DGKB: variants seen among roughly 807,000 people sequenced by gnomAD.
DGKB encodes diacylglycerol kinase beta, also known as 90 kDa diacylglycerol kinase.
In DGKB, 67 loss-of-function variants were observed where a neutral mutation model predicts 114.3. The ratio of observed to expected loss-of-function variants is 0.59; its 90% CI spans 0.48 to 0.72. The LOEUF is 0.72. Among genes scored for constraint, DGKB ranks in the 30% least tolerant of loss-of-function variants. The pLI, the probability that DGKB is intolerant of heterozygous loss-of-function variation, is 0.00. For missense variants in DGKB, 907 were observed against 975.2 expected (o/e 0.93, Z 0.93); for synonymous variants, 398 against 323.1 (o/e 1.23, Z -2.49).
intron 15 of DGKB, among the ~76,000 whole-genome samples, chr7:14,614,887 T>C (rs1806234366): frequency 1.3e-5 from 2 of 152,090 alleles, no homozygotes; most frequent in Admixed American, 6.6e-5. Flanking sequence ...ACTTATGCAC[T>C]AACTTCCCAG....
intron 1 of DGKB, among the ~76,000 whole-genome samples, chr7:14,908,667 A>G (rs187859648): frequency 2.4e-4 from 36 of 152,218 alleles, no homozygotes; most frequent in African/African-American, 8.2e-4. Flanking sequence ...CATATCTTAT[A>G]TGTGACTTAA....
chr7:14,636,713 A>T (rs1201377959), intron 13 of DGKB, among the ~76,000 whole-genome samples: 1 of 151,892 alleles, frequency 6.6e-6, no homozygotes, highest in Non-Finnish European at 1.5e-5. Flanking sequence ...AATCATTTTA[A>T]CTCAAACTAC....
chr7:14,234,987 A>AAATT (rs1167252251), intron 23 of DGKB, among the ~76,000 whole-genome samples: 3 of 152,080 alleles, frequency 2.0e-5, no homozygotes, highest in Non-Finnish European at 4.4e-5. Flanking sequence ...TTTTGCATAA[A>AAATT]AATTCTTTTG....
intron 2 of DGKB, among the ~76,000 whole-genome samples, chr7:14,824,578 G>C (rs1422086171): frequency 6.6e-6 from 1 of 151,948 alleles, no homozygotes; most frequent in Non-Finnish European, 1.5e-5. Context: ...AAATAATCAA[G>C]ATCCTGAAAA....
At chr7:14,497,645 G>C (rs561440563) in intron 20 of DGKB, among the ~76,000 whole-genome samples, 2 of 152,010 alleles carry the variant, frequency 1.3e-5, no homozygotes, top group African/African-American at 4.8e-5. Context: ...TAGCAGACAA[G>C]AATTCGAACT....
At chr7:14,773,162 C>T (rs533494481) in intron 2 of DGKB, among the ~76,000 whole-genome samples, 22 of 152,138 alleles carry the variant, frequency 1.4e-4, no homozygotes, top group African/African-American at 5.1e-4. Context: ...TACTAATAAG[C>T]ACATAAAGTG....
intron 25 of DGKB, chr7:14,176,594 C>T (rs2128243671): frequency 2.5e-6 from 3 of 1,189,810 alleles, no homozygotes; most frequent in South Asian, 7.1e-5. Context: ...TATAATTGAT[C>T]TATTTAAAAG....
intron 20 of DGKB, among the ~76,000 whole-genome samples, chr7:14,529,187 T>C (rs1212205465): frequency 6.6e-6 from 1 of 152,064 alleles, no homozygotes; most frequent in East Asian, 1.9e-4. Context: ...GAAAAGGAGA[T>C]AATAAAGAAG....
intron 25 of DGKB, among the ~76,000 whole-genome samples, chr7:14,150,010 A>T (rs1781952745): frequency 6.6e-6 from 1 of 152,142 alleles, no homozygotes; most frequent in Non-Finnish European, 1.5e-5. Flanking sequence ...AAGACATTTT[A>T]TGAATATATG....
chr7:14,586,842 G>A lies in DGKB; in HGVS notation c.1434-3705C>T, dbSNP rs563738902. ...TACTGAGTATTTTAAGTCCACGACTGAGACATATTTCTCAAAAAAAAAAAA... is the reference window on the plus strand; with the variant it reads ...TACTGAGTATTTTAAGTCCACGACTAAGACATATTTCTCAAAAAAAAAAAA... On this transcript the variant is annotated intron_variant, in intron 17 of 25. Transcript: ENST00000402815. Among the ~76,000 whole-genome samples the A allele has an allele frequency of 2.8e-5, 4 of 141,488 alleles. No individual in the cohort carries two copies. In the East Asian group the frequency reaches 6.0e-4, roughly 21 times the overall value. 92.8% of individuals were successfully genotyped at this position (141,488 alleles called of 152,430 possible).
chr7:14,960,848 TAACA>T (rs1251503072), intron 1 of DGKB, among the ~76,000 whole-genome samples: 2 of 152,126 alleles, frequency 1.3e-5, no homozygotes, highest in Non-Finnish European at 2.9e-5. Context: ...TAATTTATAC[TAACA>T]AATATTTCTC....
chr7:14,867,848 C>A (rs1481071384), intron 1 of DGKB, among the ~76,000 whole-genome samples: 1 of 152,074 alleles, frequency 6.6e-6, no homozygotes, highest in Non-Finnish European at 1.5e-5. Flanking sequence ...CTAATTTTAA[C>A]TGAGGTATCT....
At chr7:14,367,863 T>C (rs1328752458) in intron 21 of DGKB, among the ~76,000 whole-genome samples, 2 of 151,894 alleles carry the variant, frequency 1.3e-5, no homozygotes, top group Non-Finnish European at 2.9e-5. Context: ...GAGGACTCAC[T>C]ATCACCAGAA....
chr7:14,189,589 T>A (rs1406593066), intron 23 of DGKB, among the ~76,000 whole-genome samples: 1 of 152,046 alleles, frequency 6.6e-6, no homozygotes, highest in Non-Finnish European at 1.5e-5. Flanking sequence ...ATGGATTAAA[T>A]TTTCCCATTA....
chr7:14,729,280 A>T (rs4628171), intron 5 of DGKB, among the ~76,000 whole-genome samples: 3 of 148,554 alleles, frequency 2.0e-5, no homozygotes, highest in East Asian at 4.0e-4. Context: ...CTGCCACCAC[A>T]TCCGGCTAAT....
At chr7:14,176,549 TG>T in intron 25 of DGKB, 1 of 1,076,242 alleles carries the variant, frequency 9.3e-7, no homozygotes, top group South Asian at 4.6e-5. Flanking sequence ...ATTAATATTT[TG>T]TTTAGCTCCA....
At chr7:14,850,035 G>T (rs929292903) in intron 1 of DGKB, among the ~76,000 whole-genome samples, 1 of 152,146 alleles carries the variant, frequency 6.6e-6, no homozygotes, top group African/African-American at 2.4e-5. Context: ...ACAAGTGAAA[G>T]AATATGGTGT....
At chr7:14,431,663 G>T (rs759371346) in intron 21 of DGKB, among the ~76,000 whole-genome samples, 3 of 152,020 alleles carry the variant, frequency 2.0e-5, no homozygotes, top group Non-Finnish European at 4.4e-5. Context: ...TTTTATTGTG[G>T]TAAGTCATTA....
chr7:14,297,403 C>T (rs1192544875), intron 23 of DGKB, among the ~76,000 whole-genome samples: 2 of 152,084 alleles, frequency 1.3e-5, no homozygotes, highest in Non-Finnish European at 1.5e-5. Flanking sequence ...GTTCAACATA[C>T]ACAAATCAAT....
Sources: allele counts gnomAD v4.1 joint callset (sites outside exome capture counted in the v4.1 genomes callset), GRCh38; gene constraint gnomAD v4.1.1; transcripts MANE v1.5; gene names NCBI Gene and HGNC (gene_info 2026-07-23, HGNC 2026-07-21).